TECTA: variants seen among roughly 807,000 people sequenced by gnomAD.
TECTA encodes the protein alpha-tectorin.
In TECTA, 128 loss-of-function variants were observed where a neutral mutation model predicts 216.8. The observed-to-expected ratio is 0.59, with a 90% confidence interval of 0.51 to 0.68. The LOEUF is 0.68. Among genes scored for constraint, TECTA ranks in the 30% least tolerant of loss-of-function variants. TECTA has a pLI of 0.00. For synonymous variants in TECTA, 1,089 were observed against 1,117.1 expected, an observed-to-expected ratio of 0.97 and a Z score of 0.50; for missense variants, 2,551 against 2,786.2, an observed-to-expected ratio of 0.92 and a Z score of 1.90.
intron 20 of TECTA, among the ~76,000 whole-genome samples, chr11:121,182,806 T>C (rs1169714019): frequency 6.6e-6 from 1 of 151,768 alleles, no homozygotes; most frequent in African/African-American, 2.4e-5. Context: ...CAGTGGTGAC[T>C]GGTGGGTGAG....
chr11:121,189,015 C>T, intron 21 of TECTA, 65 bp from the exon 22 acceptor site: 1 of 1,545,892 alleles, frequency 6.5e-7, no homozygotes, highest in Non-Finnish European at 8.9e-7. Context: ...AGAGGTGAAA[C>T]ATGGTGAAGA....
At chr11:121,186,378 A>G (rs1947288219) in intron 20 of TECTA, among the ~76,000 whole-genome samples, 2 of 152,230 alleles carry the variant, frequency 1.3e-5, no homozygotes. Flanking sequence ...CATTGTTAAT[A>G]GAAGATTCTA....
intron 20 of TECTA, among the ~76,000 whole-genome samples, chr11:121,182,490 G>A (rs1375052906): frequency 6.6e-6 from 1 of 152,200 alleles, no homozygotes; most frequent in African/African-American, 2.4e-5. Flanking sequence ...CAATCCATAA[G>A]CCTCCAGATG....
At position 121,123,013 on chromosome 11, in the gene TECTA, C is replaced by T. The variant is rs192060613; in HGVS notation, c.1204-2289C>T. ...TATAGAGACAGAGAGCTGCATGTGG[C>T]GCCTGCCACGGTAAATTTTGGAAGG... On this transcript the variant is annotated intron_variant, in intron 7 of 23. Coordinates refer to ENST00000392793, the MANE Select transcript of TECTA (RefSeq NM_005422.4). Among the ~76,000 whole-genome samples the T allele has an allele frequency of 3.4e-3, 520 of 152,308 alleles. 4 individuals are homozygous for T. Among genetic ancestry groups the T allele is most frequent in the Middle Eastern group, 0.014 (4 of 294 alleles).
intron 10 of TECTA, among the ~76,000 whole-genome samples, chr11:121,133,946 T>A (rs1946699913): frequency 6.6e-6 from 1 of 152,198 alleles, no homozygotes; most frequent in Non-Finnish European, 1.5e-5. Flanking sequence ...ATCGGTCATC[T>A]TATCAATCTG....
intron 2 of TECTA, among the ~76,000 whole-genome samples, chr11:121,104,810 C>T (rs1007051144): frequency 6.6e-6 from 1 of 151,778 alleles, no homozygotes; most frequent in African/African-American, 2.4e-5. Flanking sequence ...GTGGCCGATG[C>T]CCAGCATGGT....
rs56058285 is a variant in TECTA at position 121,102,587 on chromosome 11, A to C, written c.-1-78A>C. The C allele has an allele frequency of 0.017, 17,468 of 1,047,042 alleles. 518 individuals carry two copies. Among genetic ancestry groups the C allele is most frequent in the African/African-American group, 0.11 (7,100 of 63,990 alleles). 64.9% of individuals were successfully genotyped at this position (1,047,042 alleles called of 1,614,324 possible). On this transcript the variant is annotated intron_variant, in intron 1 of 23. Transcript: ENST00000392793. Reference sequence around the variant, plus strand: ...TGACGGTTTTGATGGTCTTGGGATTAGCCACTAAACACACCTGGTGTTCTG... The same window carrying C: ...TGACGGTTTTGATGGTCTTGGGATTCGCCACTAAACACACCTGGTGTTCTG...
rs1443247482 is a variant in TECTA at position 121,130,018 on chromosome 11, C to T, written c.2748C>T (p.Asn916=). The change falls in exon 10 of 24, where the codon AAC becomes AAT. Residue 916 remains asparagine, a synonymous_variant. Transcript: ENST00000392793. ...GCCGCTCCAGGTGCGGCATCATCAA[C>T]GACCCCTCCAACAGCTCCTTCCTGG... The part of the protein sequence containing the change: ...YRSRSRCGII[N]DPSNSSFLEC... 5 of 1,610,202 alleles carry T rather than the reference C, an allele frequency of 3.1e-6. No individual in the cohort carries two copies. Among genetic ancestry groups the T allele is most frequent in the South Asian group, 1.1e-5 (1 of 90,740 alleles).
At chr11:121,152,857 C>G (rs1433029185) in intron 12 of TECTA, 24 bp from the exon 13 acceptor site, 3 of 1,586,896 alleles carry the variant, frequency 1.9e-6, no homozygotes, top group Non-Finnish European at 8.6e-7. Context: ...TCGTGCGAGT[C>G]TTGACTTGTC....
chr11:121,178,589 G>A (rs1370172059), intron 20 of TECTA, among the ~76,000 whole-genome samples: 1 of 144,546 alleles, frequency 6.9e-6, no homozygotes, highest in Non-Finnish European at 1.5e-5. Context: ...TTGATATCAG[G>A]GTAATGCTAG....
intron 2 of TECTA, among the ~76,000 whole-genome samples, chr11:121,103,927 G>A (rs1036260607): frequency 6.6e-6 from 1 of 152,152 alleles, no homozygotes; most frequent in Admixed American, 6.5e-5. Context: ...ACGAAGAGAA[G>A]AATCTTGCAA....
At chr11:121,169,009 C>T in intron 20 of TECTA, 84 bp downstream of exon 20, 1 of 1,607,198 alleles carries the variant, frequency 6.2e-7, no homozygotes, top group Admixed American at 1.7e-5. Flanking sequence ...GGAATGGAAA[C>T]TAATATTTGT....
Position 121,137,776 on chromosome 11 carries a change from C to A in TECTA, c.3297C>A (p.Ser1099=). The A allele has an allele frequency of 6.2e-7, 1 of 1,614,196 alleles. No individual in the cohort carries two copies. The highest frequency in any genetic ancestry group is 1.1e-5 in the South Asian group (1 of 91,084). The change falls in exon 11 of 24, where the codon TCC becomes TCA. Residue 1099 remains serine, a synonymous_variant. Transcript: ENST00000392793. Reference sequence around the variant, plus strand: ...ACTGCCAAGCCCGCACCGACGCCTCCTGCATCGTCTCAGGCTACGGCCACT... The same window carrying A: ...ACTGCCAAGCCCGCACCGACGCCTCATGCATCGTCTCAGGCTACGGCCACT... ...LYYCQARTDA[S]CIVSGYGHYL...
chr11:121,179,508 C>T (rs1947203873), intron 20 of TECTA, among the ~76,000 whole-genome samples: 1 of 152,082 alleles, frequency 6.6e-6, no homozygotes, highest in South Asian at 2.1e-4. Flanking sequence ...GTGTATTCTG[C>T]AGCTGTTGGG....
chr11:121,158,336 TG>T, intron 14 of TECTA, 112 bp downstream of exon 14: 1 of 1,432,944 alleles, frequency 7.0e-7, no homozygotes, highest in Non-Finnish European at 9.7e-7. Flanking sequence ...TGTTGCTTCA[TG>T]GTGTTCCACA....
intron 18 of TECTA, among the ~76,000 whole-genome samples, chr11:121,166,999 G>C (rs1331286497): frequency 6.6e-6 from 1 of 152,140 alleles, no homozygotes; most frequent in Admixed American, 6.5e-5. Context: ...TTTTTCCTTG[G>C]TTTGGGATGC....
chr11:121,106,644 G>A (rs937198597), intron 3 of TECTA, among the ~76,000 whole-genome samples: 6 of 152,266 alleles, frequency 3.9e-5, no homozygotes, highest in African/African-American at 1.2e-4. Flanking sequence ...TGGCTTTATT[G>A]TTGGCCTTAA....
chr11:121,132,746 G>T lies in TECTA; in HGVS notation c.2941+2535G>T, dbSNP rs143996395. On this transcript the variant is annotated intron_variant, in intron 10 of 23. Coordinates refer to ENST00000392793, the MANE Select transcript of TECTA (RefSeq NM_005422.4). ...CTTTTTTAATTTTTTTTGAGATGGAGTCTCACTCTCTCACCCAGGCTGGAG... is the reference window on the plus strand; with the variant it reads ...CTTTTTTAATTTTTTTTGAGATGGATTCTCACTCTCTCACCCAGGCTGGAG... Among the ~76,000 whole-genome samples, 1,488 of 152,168 alleles carry T rather than the reference G, an allele frequency of 9.8e-3. 31 individuals carry two copies. The highest frequency in any genetic ancestry group is 0.034 in the African/African-American group (1,420 of 41,508).
chr11:121,113,121 C>A lies in TECTA; in HGVS notation c.536C>A (p.Thr179Asn), dbSNP rs762912420. ...VLVSDGSYTF[T>N]LFNYYEINWT... ...GTGTCCGATGGCTCCTATACATTCA[C>A]CCTCTTCAATTATTACGAAATCAAC... The change falls in exon 5 of 24, where the codon ACC becomes AAC. Residue 179 changes from threonine to asparagine, a missense_variant. Physicochemically the swap from Thr to Asn is moderately conservative, Grantham distance 65. This residue lies in a region of TECTA where 2,375 missense variants were observed against 2,563.9 expected (regional missense o/e 0.93). Transcript: ENST00000392793. The surrounding 1 kb of genome is among the most constrained non-coding windows in gnomAD (Gnocchi z 4.2). The A allele has an allele frequency of 1.9e-6, 3 of 1,614,134 alleles. No individual in the cohort carries two copies. The highest frequency in any genetic ancestry group is 2.2e-5 in the East Asian group (1 of 44,876).
Sources: gnomAD v4.1 joint callset for allele counts (sites outside exome capture counted in the v4.1 genomes callset) on GRCh38, gnomAD v4.1.1 for gene constraint, gnomAD v4.1.1 regional missense constraint, Gnocchi (gnomAD v3.1) non-coding constraint, MANE v1.5 for transcripts, NCBI Gene and HGNC (gene_info 2026-07-23, HGNC 2026-07-21) for gene names.